RUBCNL: variants seen among roughly 807,000 people sequenced by gnomAD.
RUBCNL encodes rubicon like autophagy enhancer.
In RUBCNL, 62 loss-of-function variants were observed where a neutral mutation model predicts 69.5. The ratio of observed to expected loss-of-function variants is 0.89; its 90% CI spans 0.73 to 1.10. The LOEUF (loss-of-function observed/expected upper bound fraction) is 1.10, where lower values mean the gene tolerates loss of function less well. RUBCNL is among the 50% of genes least tolerant of loss of function. The pLI, the probability that RUBCNL is intolerant of heterozygous loss-of-function variation, is 0.00. For missense variants in RUBCNL, 768 were observed against 798.1 expected, an observed-to-expected ratio of 0.96 and a Z score of 0.45; for synonymous variants, 291 against 303.6, an observed-to-expected ratio of 0.96 and a Z score of 0.43.
intron 10 of RUBCNL, 107 bp downstream of exon 10, chr13:46,356,325 C>A: frequency 9.3e-7 from 1 of 1,073,398 alleles, no homozygotes; most frequent in Non-Finnish European, 1.4e-6. Context: ...GCTCTTATAA[C>A]AACTTCTCAT....
At chr13:46,380,848 C>T (rs533398900) in intron 1 of RUBCNL, among the ~76,000 whole-genome samples, 1 of 152,132 alleles carries the variant, frequency 6.6e-6, no homozygotes, top group South Asian at 2.1e-4. Context: ...TTGGGGACCA[C>T]CACTAAATTA....
chr13:46,362,498 GC>G, intron 7 of RUBCNL, 39 bp downstream of exon 7: 1 of 1,452,290 alleles, frequency 6.9e-7, no homozygotes, highest in Non-Finnish European at 9.5e-7. Flanking sequence ...AGAGGTGACA[GC>G]CCAAGGGTCT....
intron 10 of RUBCNL, 132 bp downstream of exon 10, chr13:46,356,300 G>A: frequency 3.6e-6 from 3 of 828,760 alleles, no homozygotes; most frequent in Non-Finnish European, 5.6e-6. Context: ...TGAAAAGGAG[G>A]GCAACTTCTC....
At position 46,341,909 on chromosome 13, in the gene RUBCNL, T is replaced by C. The variant is rs773801946; in HGVS notation, c.*1476A>G. The C allele has an allele frequency of 3.3e-5, 5 of 152,248 alleles. No homozygotes were observed. Among genetic ancestry groups the C allele is most frequent in the Admixed American group, 6.5e-5 (1 of 15,282 alleles). The allele number at this position is 152,248 out of a possible 1,614,324, so 9.4% of individuals were successfully genotyped here. ...GTTTCCTTGCCTGTAAATGGAGATA[T>C]AGACATCTGCCTCAGAAAGGAATGT... On this transcript the variant is annotated 3_prime_UTR_variant, in exon 15 of 15. Transcript: ENST00000429979.
Position 46,338,548 on chromosome 13 carries a change from G to C in RUBCNL, c.*4837C>G, listed in dbSNP as rs1196714089. 6.6e-6 allele frequency among the ~76,000 whole-genome samples: 1 copy of C among 152,168 alleles called. No homozygotes were observed. Among genetic ancestry groups the C allele is most frequent in the East Asian group, 1.9e-4 (1 of 5,176 alleles). On this transcript the variant is annotated 3_prime_UTR_variant, in exon 15 of 15. Coordinates refer to ENST00000429979, the MANE Select transcript of RUBCNL (RefSeq NM_025113.5). The stretch of plus-strand genomic sequence containing the variant: ...ATCTAACAGGAGGGGTGGGGGCTTT[G>C]GGTGCGCTTGCCCTTTGTCTCCTCA...
intron 3 of RUBCNL, among the ~76,000 whole-genome samples, chr13:46,370,388 C>T (rs563785853): frequency 6.6e-6 from 1 of 152,286 alleles, no homozygotes; most frequent in East Asian, 1.9e-4. Context: ...ACCCTTTTGC[C>T]GCCATCTGAG....
chr13:46,350,488 A>G (rs1324961963), intron 10 of RUBCNL, 137 bp from the exon 11 acceptor site: 8 of 645,120 alleles, frequency 1.2e-5, no homozygotes, highest in Non-Finnish European at 1.9e-5. Context: ...ACTCAACCTC[A>G]TGACAGCTGG....
In RUBCNL at chr13:46,372,499, G is replaced by T; in HGVS notation, c.-24C>A. ...ATCTTTCCAGGCTTGTGGCTGGTGT[G>T]AATCCATTCAAAACAGATAGGAGTT... On this transcript the variant is annotated 5_prime_UTR_variant, in exon 3 of 15. An upstream open reading frame in the 5' UTR gains an earlier in-frame stop. Coordinates refer to ENST00000429979, the MANE Select transcript of RUBCNL (RefSeq NM_025113.5). 1 of 1,572,656 alleles carries T rather than the reference G, an allele frequency of 6.4e-7. No individual in the cohort carries two copies. The highest frequency in any genetic ancestry group is 8.6e-7 in the Non-Finnish European group (1 of 1,158,952).
Position 46,361,451 on chromosome 13 carries a change from G to T in RUBCNL, c.1109C>A (p.Ala370Asp), listed in dbSNP as rs763174220. ...TTTTTTGATACTTACTATCGAGCCA[G>T]CTGCACTCAGGGAACCTGCCAGCTG... ...NSQLAGSLSA[A>D]GSIVVNEECV... Residue 370 changes from alanine to aspartate, a missense_variant, in exon 8 of 15, where the codon GCT (alanine) becomes GAT (aspartate). Ala to Asp is a moderately radical substitution (Grantham distance 126). Transcript: ENST00000429979. 6.2e-7 allele frequency: 1 copy of T among 1,613,844 alleles called. No homozygotes were observed. The highest frequency in any genetic ancestry group is 1.3e-5 in the African/African-American group (1 of 75,042).
In RUBCNL at chr13:46,335,126, G is replaced by T. The variant is rs913105858; in HGVS notation, c.*8259C>A. Among the ~76,000 whole-genome samples the T allele has an allele frequency of 6.6e-6, 1 of 151,776 alleles. No homozygotes were observed. The highest frequency in any genetic ancestry group is 2.4e-5 in the African/African-American group (1 of 41,292). On this transcript the variant is annotated 3_prime_UTR_variant, in exon 15 of 15. Coordinates refer to ENST00000429979, the MANE Select transcript of RUBCNL (RefSeq NM_025113.5). The stretch of plus-strand genomic sequence containing the variant: ...GTCACCCAGGCTGGAATGCAGTGGC[G>T]GGATCATGCCTCACTACAGCCTCAA...
chr13:46,345,487 T>C lies in RUBCNL; in HGVS notation c.1745A>G (p.Asp582Gly), dbSNP rs1202396930. Reference sequence around the variant, plus strand: ...ATGTGCAAGGGAAGCTTTCAGAATGTCCTTGAGTAAGGGTGCCAGCAGCCC... The same window carrying C: ...ATGTGCAAGGGAAGCTTTCAGAATGCCCTTGAGTAAGGGTGCCAGCAGCCC... ...KKGLLAPLLK[D>G]ILKASLAHVA... is the part of the protein sequence containing the mutation. The change falls in exon 13 of 15, where the codon GAC (aspartate) becomes GGC (glycine). Residue 582 changes from aspartate (D) to glycine (G), a missense_variant. Transcript: ENST00000429979. The C allele has an allele frequency of 1.9e-6, 3 of 1,589,636 alleles. No individual in the cohort carries two copies. Among genetic ancestry groups the C allele is most frequent in the Non-Finnish European group, 2.6e-6 (3 of 1,168,042 alleles).
chr13:46,344,835 TA>T lies in RUBCNL; in HGVS notation c.1786-5del. On this transcript the variant is annotated splice_polypyrimidine_tract_variant and splice_region_variant and intron_variant, in intron 13 of 14. Coordinates refer to ENST00000429979, the MANE Select transcript of RUBCNL (RefSeq NM_025113.5). ...TAAAGCCCTTTCCTTGACACAGCTG[TA>T]AAAGAAGACATCAAAAAGTTACAAC... 6.2e-7 allele frequency: 1 copy of T among 1,601,770 alleles called. No individual in the cohort carries two copies.
At chr13:46,375,003 C>T (rs1326377012) in intron 2 of RUBCNL, among the ~76,000 whole-genome samples, 1 of 152,186 alleles carries the variant, frequency 6.6e-6, no homozygotes, top group Non-Finnish European at 1.5e-5. Flanking sequence ...CCATCATTAC[C>T]TCTCACATCA....
intron 3 of RUBCNL, 150 bp downstream of exon 3, chr13:46,371,791 C>T (rs1036045924): frequency 1.4e-5 from 10 of 737,782 alleles, no homozygotes; most frequent in Non-Finnish European, 2.2e-5. Flanking sequence ...TTGATTTCAC[C>T]TGTTGTGACC....
intron 6 of RUBCNL, among the ~76,000 whole-genome samples, 161 bp downstream of exon 6, chr13:46,362,954 A>ATATATATATC (rs1555253818): frequency 1.5e-5 from 1 of 68,574 alleles, no homozygotes; most frequent in Non-Finnish European, 2.6e-5. Context: ...ATATATATAT[A>ATATATATATC]TATATATATA....
At chr13:46,379,164 C>T (rs576944332) in intron 1 of RUBCNL, among the ~76,000 whole-genome samples, 3 of 152,226 alleles carry the variant, frequency 2.0e-5, no homozygotes, top group South Asian at 4.1e-4. Context: ...GTGACCTCTG[C>T]CTCCCAAGTT....
At position 46,362,574 on chromosome 13, in the gene RUBCNL, GTGATATCAT is replaced by G; in HGVS notation, c.941_949del (p.Asn314_Ile316del). Reference sequence around the variant, plus strand: ...GCTGCAGGAACAGCTACAGGTTTCTGTGATATCATTAAAATCTCCAAGCTCTGTGGGAAA... The same window carrying G: ...GCTGCAGGAACAGCTACAGGTTTCTGTAAAATCTCCAAGCTCTGTGGGAAA... On this transcript the variant is annotated inframe_deletion, in exon 7 of 15. Coordinates refer to ENST00000429979, the MANE Select transcript of RUBCNL (RefSeq NM_025113.5). 1 of 1,609,198 alleles carries G rather than the reference GTGATATCAT, an allele frequency of 6.2e-7. No homozygotes were observed.
At chr13:46,349,436 C>T in intron 11 of RUBCNL, 89 bp from the exon 12 acceptor site, 1 of 1,243,358 alleles carries the variant, frequency 8.0e-7, no homozygotes, top group Non-Finnish European at 1.2e-6. Flanking sequence ...TATTTCTAAG[C>T]TTGAAATGCT....
chr13:46,359,635 C>T lies in RUBCNL; in HGVS notation c.1120-4G>A, dbSNP rs763083778. ...GGACACACTCTTCATTTACGACCTG[C>T]ATAAGACATAAAATGATTTAGGAAC... On this transcript the variant is annotated splice_polypyrimidine_tract_variant and splice_region_variant and intron_variant, in intron 8 of 14. Transcript: ENST00000429979. 3 of 1,563,394 alleles carry T rather than the reference C, an allele frequency of 1.9e-6. No homozygotes were observed. The highest frequency in any genetic ancestry group is 1.4e-5 in the African/African-American group (1 of 73,754).
Sources: gnomAD v4.1 joint callset for allele counts (sites outside exome capture counted in the v4.1 genomes callset) on GRCh38, gnomAD v4.1.1 for gene constraint, MANE v1.5 for transcripts, NCBI Gene and HGNC (gene_info 2026-07-23, HGNC 2026-07-21) for gene names.